KLHL1: variants seen among roughly 807,000 people sequenced by gnomAD.
KLHL1 encodes the protein kelch-like protein 1.
KLHL1 carries 47 observed loss-of-function variants against 77.7 expected under a neutral mutation model. That is an observed-to-expected ratio of 0.60 (90% CI 0.48 to 0.77). The LOEUF (loss-of-function observed/expected upper bound fraction) is 0.77, where lower values mean the gene tolerates loss of function less well. Among genes scored for constraint, KLHL1 ranks in the 30% least tolerant of loss-of-function variants. The probability of loss-of-function intolerance (pLI) is 0.00; values close to 1 mark genes in which losing one functional copy is unlikely to be tolerated. For missense variants in KLHL1, 925 were observed against 910.8 expected (o/e 1.02, Z -0.20); for synonymous variants, 360 against 325.2 (o/e 1.11, Z -1.15).
At chr13:69,714,024 G>C (rs919319367) in intron 9 of KLHL1, among the ~76,000 whole-genome samples, 6 of 152,092 alleles carry the variant, frequency 3.9e-5, no homozygotes, top group Admixed American at 3.3e-4. Context: ...TTTTAAATGT[G>C]TAGTCTTTTT....
intron 3 of KLHL1, among the ~76,000 whole-genome samples, chr13:69,952,762 T>A (rs1179223018): frequency 6.6e-6 from 1 of 151,328 alleles, no homozygotes; most frequent in Non-Finnish European, 1.5e-5. Flanking sequence ...ATTATAAGTG[T>A]CCTTTCCCAA....
Position 69,701,669 on chromosome 13 carries a change from A to T in KLHL1, c.*33T>A. Reference sequence around the variant, plus strand: ...TCAATATAAAAATAACCACTCCAGCAAGTAAAATCTTTCCAAGTAAAATAT... The same window carrying T: ...TCAATATAAAAATAACCACTCCAGCTAGTAAAATCTTTCCAAGTAAAATAT... On this transcript the variant is annotated 3_prime_UTR_variant, in exon 11 of 11. Coordinates refer to ENST00000377844, the MANE Select transcript of KLHL1 (RefSeq NM_020866.3). 6.7e-7 allele frequency: 1 copy of T among 1,502,764 alleles called. No homozygotes were observed. The highest frequency in any genetic ancestry group is 9.2e-7 in the Non-Finnish European group (1 of 1,084,870). The allele number at this position is 1,502,764 out of a possible 1,614,324, so 93.1% of individuals were successfully genotyped here.
At chr13:69,988,610 C>G (rs1419185960) in intron 1 of KLHL1, among the ~76,000 whole-genome samples, 1 of 152,042 alleles carries the variant, frequency 6.6e-6, no homozygotes, top group Non-Finnish European at 1.5e-5. Flanking sequence ...CCTCTGCAAC[C>G]TTGCTAGCAT....
intron 4 of KLHL1, among the ~76,000 whole-genome samples, chr13:69,888,489 C>G (rs553821754): frequency 6.6e-6 from 1 of 151,922 alleles, no homozygotes; most frequent in African/African-American, 2.4e-5. Flanking sequence ...ACAGATACAC[C>G]GTGAATAGAA....
chr13:70,003,910 G>A (rs1262646354), intron 1 of KLHL1, among the ~76,000 whole-genome samples: 2 of 151,576 alleles, frequency 1.3e-5, no homozygotes, highest in Admixed American at 6.6e-5. Flanking sequence ...TTTAATATAC[G>A]GACAGTGTTA....
At chr13:70,010,022 C>T (rs1246361988) in intron 1 of KLHL1, among the ~76,000 whole-genome samples, 1 of 148,468 alleles carries the variant, frequency 6.7e-6, no homozygotes, top group African/African-American at 2.5e-5. Context: ...AAGTGCATTA[C>T]AAGAAGGAGA....
At chr13:69,903,927 A>G (rs1200667717) in intron 4 of KLHL1, among the ~76,000 whole-genome samples, 1 of 151,250 alleles carries the variant, frequency 6.6e-6, no homozygotes, top group African/African-American at 2.4e-5. Flanking sequence ...GGCGTGAGCC[A>G]CCGCGCCCGG....
chr13:69,977,388 T>A (rs372576560), intron 1 of KLHL1, among the ~76,000 whole-genome samples: 1 of 152,174 alleles, frequency 6.6e-6, no homozygotes, highest in African/African-American at 2.4e-5. Flanking sequence ...ATTTAAGATT[T>A]TGATGTGCAA....
intron 5 of KLHL1, among the ~76,000 whole-genome samples, chr13:69,844,427 A>G (rs576544333): frequency 4.5e-4 from 69 of 151,780 alleles, no homozygotes; most frequent in Admixed American, 4.3e-3. Context: ...AACCACTGTA[A>G]CCTATTGTTG....
chr13:70,037,245 T>C (rs2439610), intron 1 of KLHL1, among the ~76,000 whole-genome samples: 100,878 of 151,836 alleles, frequency 0.66, 34,707 homozygotes, highest in African/African-American at 0.85. Flanking sequence ...TGGTAAAGTC[T>C]CTCAGCTTTT....
chr13:69,825,306 G>A (rs1206609646), intron 6 of KLHL1, among the ~76,000 whole-genome samples: 1 of 152,114 alleles, frequency 6.6e-6, no homozygotes, highest in Non-Finnish European at 1.5e-5. Context: ...AGCAATGTAT[G>A]TGTATGAGTA....
chr13:69,932,663 T>A (rs1404734183), intron 4 of KLHL1, among the ~76,000 whole-genome samples: 1 of 151,922 alleles, frequency 6.6e-6, no homozygotes, highest in African/African-American at 2.4e-5. Context: ...ACCTAAGATA[T>A]TTTTAATATA....
At chr13:70,068,425 GATTTT>G (rs1887065936) in intron 1 of KLHL1, among the ~76,000 whole-genome samples, 1 of 152,154 alleles carries the variant, frequency 6.6e-6, no homozygotes, top group African/African-American at 2.4e-5. Flanking sequence ...AATGAATTAT[GATTTT>G]ATTAGGACCT....
At chr13:70,071,422 C>T (rs144373979) in intron 1 of KLHL1, among the ~76,000 whole-genome samples, 1 of 152,102 alleles carries the variant, frequency 6.6e-6, no homozygotes, top group African/African-American at 2.4e-5. Flanking sequence ...GACTTCAATG[C>T]ACCTCTGTAA....
intron 3 of KLHL1, among the ~76,000 whole-genome samples, chr13:69,947,856 A>C (rs569499568): frequency 1.3e-5 from 2 of 152,276 alleles, no homozygotes; most frequent in South Asian, 4.1e-4. Flanking sequence ...TTTGACTTAA[A>C]AGTTAACTTT....
intron 1 of KLHL1, among the ~76,000 whole-genome samples, chr13:70,047,363 C>T (rs1234694264): frequency 6.6e-6 from 1 of 150,962 alleles, no homozygotes; most frequent in Non-Finnish European, 1.5e-5. Context: ...CACAGATATC[C>T]TATTACTTCT....
At chr13:69,769,840 C>T (rs1265758115) in intron 7 of KLHL1, among the ~76,000 whole-genome samples, 1 of 152,070 alleles carries the variant, frequency 6.6e-6, no homozygotes, top group African/African-American at 2.4e-5. Context: ...TCTTCTTGGT[C>T]ATGGGACAAG....
At chr13:69,796,584 G>C (rs1877116076) in intron 7 of KLHL1, among the ~76,000 whole-genome samples, 154 bp downstream of exon 7, 1 of 152,100 alleles carries the variant, frequency 6.6e-6, no homozygotes, top group African/African-American at 2.4e-5. Flanking sequence ...AGAATAGTGA[G>C]CCAAGAAATT....
At chr13:69,868,842 A>C (rs1012662385) in intron 5 of KLHL1, among the ~76,000 whole-genome samples, 1 of 152,168 alleles carries the variant, frequency 6.6e-6, no homozygotes, top group Non-Finnish European at 1.5e-5. Flanking sequence ...CCTAAAATAC[A>C]GTCTACTTTA....
Sources: allele counts gnomAD v4.1 joint callset (sites outside exome capture counted in the v4.1 genomes callset), GRCh38; gene constraint gnomAD v4.1.1; transcripts MANE v1.5; gene names NCBI Gene and HGNC (gene_info 2026-07-23, HGNC 2026-07-21).